Variants in LIPC observed in about 807,000 individuals in gnomAD.
LIPC encodes lipase C, hepatic type.
Under a neutral mutation model 50.7 loss-of-function variants are expected in LIPC, and 44 were observed. That is an observed-to-expected ratio of 0.87 (90% CI 0.68 to 1.11). LIPC has a LOEUF of 1.11. Ranked by LOEUF, LIPC falls within the 50% of genes most tolerant of loss-of-function variation. The pLI is 0.00. For synonymous variants in LIPC, 271 were observed against 256.4 expected (o/e 1.06, Z -0.54); for missense variants, 697 against 648.2 (o/e 1.08, Z -0.82).
At chr15:58,433,133 A>T (rs543107911) in intron 1 of LIPC, among the ~76,000 whole-genome samples, 1 of 152,214 alleles carries the variant, frequency 6.6e-6, no homozygotes, top group East Asian at 1.9e-4. Flanking sequence ...TTGACACATC[A>T]TCTCATTTAT....
chr15:58,515,533 C>CATATATATATAT (rs1555403164), intron 1 of LIPC, among the ~76,000 whole-genome samples: 28 of 141,694 alleles, frequency 2.0e-4, no homozygotes, highest in African/African-American at 7.6e-4. Context: ...TATACACACA[C>CATATATATATAT]ATATATATAT....
At chr15:58,511,972 A>G (rs1892342744) in intron 1 of LIPC, among the ~76,000 whole-genome samples, 1 of 152,274 alleles carries the variant, frequency 6.6e-6, no homozygotes, top group Non-Finnish European at 1.5e-5. Flanking sequence ...AAACTCAAAC[A>G]TACACATGGA....
intron 1 of LIPC, among the ~76,000 whole-genome samples, chr15:58,453,834 G>A (rs1432906363): frequency 6.7e-6 from 1 of 149,266 alleles, no homozygotes; most frequent in Non-Finnish European, 1.5e-5. Flanking sequence ...AGGCTGCAGT[G>A]AGCCATGATC....
chr15:58,549,766 T>A (rs1893681361), intron 6 of LIPC, among the ~76,000 whole-genome samples: 1 of 151,760 alleles, frequency 6.6e-6, no homozygotes, highest in South Asian at 2.1e-4. Context: ...ATCTGAAGAG[T>A]AGTTGGTGTG....
intron 2 of LIPC, 105 bp from the exon 3 acceptor site, chr15:58,541,680 G>A (rs555842266): frequency 1.3e-4 from 161 of 1,192,652 alleles, no homozygotes; most frequent in Non-Finnish European, 1.7e-4. Context: ...GCTGAGAAAC[G>A]TCATAGCAAG....
At chr15:58,496,590 CAGA>C (rs1891772419) in intron 1 of LIPC, among the ~76,000 whole-genome samples, 1 of 152,112 alleles carries the variant, frequency 6.6e-6, no homozygotes. Flanking sequence ...GTTCATAAAA[CAGA>C]AGATGTCTGA....
At chr15:58,528,444 C>T (rs1892855788) in intron 1 of LIPC, among the ~76,000 whole-genome samples, 1 of 152,114 alleles carries the variant, frequency 6.6e-6, no homozygotes, top group African/African-American at 2.4e-5. Context: ...AATAACTAGC[C>T]CAAGGTCACA....
At chr15:58,447,058 G>A (rs1370700863) in intron 1 of LIPC, among the ~76,000 whole-genome samples, 4 of 139,556 alleles carry the variant, frequency 2.9e-5, no homozygotes, top group Non-Finnish European at 4.5e-5. Context: ...TGAGGCAGGA[G>A]AATCACTCAA....
chr15:58,566,202 C>T (rs1595961724), intron 8 of LIPC: 3 of 985,352 alleles, frequency 3.0e-6, no homozygotes, highest in East Asian at 1.1e-4. Flanking sequence ...TTACACAACC[C>T]GGGAAGTGTA....
intron 1 of LIPC, among the ~76,000 whole-genome samples, chr15:58,470,006 C>T (rs1425741403): frequency 6.6e-6 from 1 of 150,534 alleles, no homozygotes; most frequent in Non-Finnish European, 1.5e-5. Flanking sequence ...AATCATGCCT[C>T]ACTGCAGTCT....
intron 1 of LIPC, among the ~76,000 whole-genome samples, chr15:58,495,726 C>G (rs2140821405): frequency 6.6e-6 from 1 of 152,306 alleles, no homozygotes. Flanking sequence ...AGCACGCTGT[C>G]TTGGGACTGG....
At chr15:58,494,551 A>C (rs1284428635) in intron 1 of LIPC, among the ~76,000 whole-genome samples, 3 of 152,220 alleles carry the variant, frequency 2.0e-5, no homozygotes, top group African/African-American at 7.2e-5. Flanking sequence ...CTGCAGATAT[A>C]AGACAACATG....
At chr15:58,552,227 C>T (rs969529107) in intron 6 of LIPC, among the ~76,000 whole-genome samples, 7 of 152,190 alleles carry the variant, frequency 4.6e-5, no homozygotes, top group African/African-American at 9.7e-5. Flanking sequence ...ATGTGTTGTA[C>T]ACGTTAGCTC....
chr15:58,483,820 T>C (rs1410230487), intron 1 of LIPC, among the ~76,000 whole-genome samples: 1 of 152,178 alleles, frequency 6.6e-6, no homozygotes, highest in Non-Finnish European at 1.5e-5. Flanking sequence ...CAAGAAAACT[T>C]AGTATTTTCT....
intron 1 of LIPC, among the ~76,000 whole-genome samples, chr15:58,462,992 C>T (rs963051902): frequency 6.6e-6 from 1 of 152,242 alleles, no homozygotes; most frequent in Non-Finnish European, 1.5e-5. Context: ...ACTCATCCCT[C>T]CTTTTGAAGT....
chr15:58,460,855 C>T (rs1894321462), intron 1 of LIPC, among the ~76,000 whole-genome samples: 1 of 152,188 alleles, frequency 6.6e-6, no homozygotes, highest in African/African-American at 2.4e-5. Flanking sequence ...GTCCCATGGC[C>T]TCTTTAGCTC....
At chr15:58,565,205 G>A (rs1894321984) in intron 8 of LIPC, 4 of 1,535,728 alleles carry the variant, frequency 2.6e-6, no homozygotes, top group Non-Finnish European at 3.5e-6. Context: ...AATCTGGGAA[G>A]ATTAAACTGC....
At chr15:58,531,518 G>A (rs1892958551) in intron 1 of LIPC, among the ~76,000 whole-genome samples, 1 of 147,008 alleles carries the variant, frequency 6.8e-6, no homozygotes, top group Admixed American at 7.0e-5. Context: ...AAGTTTAGAA[G>A]GAAAAAATTT....
chr15:58,556,612 A>G (rs1893965143), intron 6 of LIPC, among the ~76,000 whole-genome samples: 1 of 152,210 alleles, frequency 6.6e-6, no homozygotes, highest in Non-Finnish European at 1.5e-5. Context: ...GTCTCATACT[A>G]GACAGTTTCG....
Sources: allele counts gnomAD v4.1 joint callset (sites outside exome capture counted in the v4.1 genomes callset), GRCh38; gene constraint gnomAD v4.1.1; transcripts MANE v1.5; gene names NCBI Gene and HGNC (gene_info 2026-07-23, HGNC 2026-07-21).